Variants in DOCK1 observed in about 807,000 individuals in gnomAD.
DOCK1 encodes the protein dedicator of cytokinesis protein 1.
In DOCK1, 138 loss-of-function variants were observed where a neutral mutation model predicts 262.7. The observed-to-expected ratio is 0.53, with a 90% CI of 0.46 to 0.61. The LOEUF (loss-of-function observed/expected upper bound fraction) is 0.61, where lower values mean the gene tolerates loss of function less well. DOCK1 is among the 20% of genes least tolerant of loss of function. DOCK1 has a pLI of 0.00. For synonymous variants in DOCK1, 866 were observed against 867.4 expected, an observed-to-expected ratio of 1.00 and a Z score of 0.03; for missense variants, 1,908 against 2,370.7, an observed-to-expected ratio of 0.80 and a Z score of 4.05.
At chr10:127,118,998 C>T (rs772987238) in intron 25 of DOCK1, among the ~76,000 whole-genome samples, 8 of 151,668 alleles carry the variant, frequency 5.3e-5, no homozygotes, top group East Asian at 1.9e-4. Context: ...TTTACACACA[C>T]GTGTACCTGC....
Position 126,955,764 on chromosome 10 carries a change from G to A in DOCK1, c.47-14938G>A, listed in dbSNP as rs1158542741. Among the ~76,000 whole-genome samples, 6 of 152,254 alleles carry A rather than the reference G, an allele frequency of 3.9e-5. No homozygotes were observed. In the South Asian group the frequency reaches 6.2e-4, roughly 16 times the overall value. On this transcript the variant is annotated intron_variant, in intron 1 of 51. Coordinates refer to ENST00000623213, the MANE Select transcript of DOCK1 (RefSeq NM_001290223.2). ...TGCCGAGTGGTCACGTTGCACAGGG[G>A]CTGTGAGCAGTTCAGTGGCTCACTC...
intron 30 of DOCK1, among the ~76,000 whole-genome samples, chr10:127,339,895 A>G (rs1295214363): frequency 6.6e-6 from 1 of 152,182 alleles, no homozygotes; most frequent in Non-Finnish European, 1.5e-5. Flanking sequence ...CAAATTTTTG[A>G]AAAGCATGCA....
intron 4 of DOCK1, among the ~76,000 whole-genome samples, chr10:126,985,943 C>G (rs1035733263): frequency 3.1e-4 from 47 of 152,136 alleles, no homozygotes; most frequent in Admixed American, 3.3e-4. Context: ...CTCCCGGGTT[C>G]AAGTGATTCT....
intron 29 of DOCK1, among the ~76,000 whole-genome samples, chr10:127,286,127 G>A (rs1040990349): frequency 6.6e-6 from 1 of 152,018 alleles, no homozygotes; most frequent in Non-Finnish European, 1.5e-5. Flanking sequence ...CCTGAATCGT[G>A]TTCATTTCCA....
rs1367828851 is a variant in DOCK1 at position 126,996,836 on chromosome 10, C to A, written c.562C>A (p.His188Asn). Residue 188 changes from histidine (H) to asparagine (N), a missense_variant, in exon 7 of 52, where the codon CAT becomes AAT. Around this residue, in one of 9 missense-constraint regions of DOCK1, gnomAD observed 227 missense variants for 254.1 expected, o/e 0.89. Coordinates refer to ENST00000623213, the MANE Select transcript of DOCK1 (RefSeq NM_001290223.2). ...TAGCACGATTAGTCTCTTCAGAGCT[C>A]ATGAAATAGCTTCTAAACAAGTGGA... is the stretch of plus-strand genomic sequence containing the variant. ...LTSTISLFRA[H>N]EIASKQVEER... The A allele has an allele frequency of 6.2e-7, 1 of 1,610,874 alleles. No individual in the cohort carries two copies. Among genetic ancestry groups the A allele is most frequent in the African/African-American group, 1.3e-5 (1 of 74,758 alleles).
chr10:127,397,312 A>G lies in DOCK1; in HGVS notation c.3928-5743A>G, dbSNP rs375871083. 7.5e-5 allele frequency among the ~76,000 whole-genome samples: 11 copies of G among 146,484 alleles called. No homozygotes were observed. In the East Asian group the frequency reaches 1.2e-3, roughly 17 times the overall value. On this transcript the variant is annotated intron_variant, in intron 38 of 51. Coordinates refer to ENST00000623213, the MANE Select transcript of DOCK1 (RefSeq NM_001290223.2). Reference sequence around the variant, plus strand: ...ATGAGTTACACGGGCGGCAACTCCTATGTGATCTGAGCATGAGTTACACGG... The same window carrying G: ...ATGAGTTACACGGGCGGCAACTCCTGTGTGATCTGAGCATGAGTTACACGG...
chr10:127,044,354 C>CTA (rs1564758476), intron 21 of DOCK1, among the ~76,000 whole-genome samples: 2 of 152,066 alleles, frequency 1.3e-5, no homozygotes, highest in Non-Finnish European at 2.9e-5. Flanking sequence ...TCCAGGAAGG[C>CTA]TAAGAGCTGT....
rs118082424 is a variant in DOCK1, at chr10:127,289,250, T to C, written c.3044+31821T>C. Among the ~76,000 whole-genome samples, 7 of 152,276 alleles carry C rather than the reference T, an allele frequency of 4.6e-5. No homozygotes were observed. The East Asian group carries it at 1.2e-3, about 25-fold the overall frequency. Reference sequence around the variant, plus strand: ...TCAATACTGCTTTTTAAATCTAACTTTGTATTCTGGAGACTGGCGTGTTGT... The same window carrying C: ...TCAATACTGCTTTTTAAATCTAACTCTGTATTCTGGAGACTGGCGTGTTGT... On this transcript the variant is annotated intron_variant, in intron 29 of 51. Transcript: ENST00000623213.
chr10:127,398,285 G>A (rs2067032168), intron 38 of DOCK1, among the ~76,000 whole-genome samples: 1 of 152,180 alleles, frequency 6.6e-6, no homozygotes, highest in Non-Finnish European at 1.5e-5. Context: ...CGAGGGGCCT[G>A]GAGAGAGTGG....
At chr10:126,968,347 G>A (rs1465145181) in intron 1 of DOCK1, among the ~76,000 whole-genome samples, 2 of 152,160 alleles carry the variant, frequency 1.3e-5, no homozygotes, top group Non-Finnish European at 2.9e-5. Flanking sequence ...CTGGGCATCT[G>A]GGGTTGTGAT....
At chr10:127,107,330 T>C (rs1401239310) in intron 24 of DOCK1, among the ~76,000 whole-genome samples, 1 of 152,164 alleles carries the variant, frequency 6.6e-6, no homozygotes, top group Non-Finnish European at 1.5e-5. Context: ...TCCTGTACTT[T>C]ATGTCTACCA....
chr10:127,420,333 G>T (rs1565078148), intron 46 of DOCK1, among the ~76,000 whole-genome samples: 2 of 152,162 alleles, frequency 1.3e-5, no homozygotes, highest in African/African-American at 2.4e-5. Flanking sequence ...GGGTTTAAGT[G>T]TCAGAACCGG....
chr10:127,401,423 A>G (rs968073323), intron 38 of DOCK1, among the ~76,000 whole-genome samples: 2 of 152,216 alleles, frequency 1.3e-5, no homozygotes, highest in African/African-American at 4.8e-5. Flanking sequence ...AATGAAAAGA[A>G]AGTACACTTG....
intron 27 of DOCK1, among the ~76,000 whole-genome samples, chr10:127,161,980 C>G (rs2053628696): frequency 6.6e-6 from 1 of 152,172 alleles, no homozygotes; most frequent in Non-Finnish European, 1.5e-5. Flanking sequence ...AAACTGTCTC[C>G]CATGTTTTCT....
intron 2 of DOCK1, among the ~76,000 whole-genome samples, chr10:126,973,752 T>C (rs1379111912): frequency 6.6e-6 from 1 of 152,204 alleles, no homozygotes; most frequent in Non-Finnish European, 1.5e-5. Context: ...GTACTTCCAT[T>C]TGTTTTCCAA....
At chr10:126,957,997 T>G (rs982290441) in intron 1 of DOCK1, among the ~76,000 whole-genome samples, 8,592 of 152,282 alleles carry the variant, frequency 0.056, 279 homozygotes, top group African/African-American at 0.068. Context: ...TATTTGAAGT[T>G]TAAGCATTGA....
intron 40 of DOCK1, among the ~76,000 whole-genome samples, chr10:127,405,386 A>G (rs556454206): frequency 6.6e-6 from 1 of 151,682 alleles, no homozygotes; most frequent in Non-Finnish European, 1.5e-5. Flanking sequence ...TCTCAAGAAC[A>G]CATTCTTTGG....
rs889972162 is a variant in DOCK1 at position 127,452,332 on chromosome 10, T to C, written c.*905T>C. ...CACACACACACACACACACACATTTTTTTTTTGAGAACTCCAAAGTCCTGA... is the reference window on the plus strand; with the variant it reads ...CACACACACACACACACACACATTTCTTTTTTGAGAACTCCAAAGTCCTGA... On this transcript the variant is annotated 3_prime_UTR_variant, in exon 52 of 52. Transcript: ENST00000623213. The C allele has an allele frequency of 6.6e-6, 1 of 152,138 alleles. No homozygotes were observed. Among genetic ancestry groups the C allele is most frequent in the Admixed American group, 6.6e-5 (1 of 15,230 alleles). The allele number at this position is 152,138 out of a possible 1,614,324, so 9.4% of individuals were successfully genotyped here.
intron 29 of DOCK1, among the ~76,000 whole-genome samples, chr10:127,296,455 A>G (rs2061507705): frequency 6.6e-6 from 1 of 152,168 alleles, no homozygotes; most frequent in Non-Finnish European, 1.5e-5. Flanking sequence ...ATTATCCAGC[A>G]GTGGGGTTTG....
Sources: allele counts gnomAD v4.1 joint callset (sites outside exome capture counted in the v4.1 genomes callset), GRCh38; gene constraint gnomAD v4.1.1; regional missense constraint gnomAD v4.1.1; transcripts MANE v1.5; gene names NCBI Gene and HGNC (gene_info 2026-07-23, HGNC 2026-07-21).